The following GIGYF1 variants were observed in gnomAD, a reference collection of about 807,000 sequenced individuals.
GIGYF1 encodes the protein GRB10 interacting GYF protein 1.
Under a neutral mutation model 147.1 loss-of-function variants are expected in GIGYF1, and 84 were observed. The ratio of observed to expected loss-of-function variants is 0.57; its 90% confidence interval spans 0.48 to 0.68. The LOEUF (loss-of-function observed/expected upper bound fraction) is 0.68, where lower values mean the gene tolerates loss of function less well. Among genes scored for constraint, GIGYF1 ranks in the 30% least tolerant of loss-of-function variants. The probability of loss-of-function intolerance (pLI) is 0.00; values close to 1 mark genes in which losing one functional copy is unlikely to be tolerated. For missense variants in GIGYF1, 1,485 were observed against 1,393.7 expected (o/e 1.07, Z -1.04); for synonymous variants, 752 against 589.5 (o/e 1.28, Z -3.99).
chr7:100,680,442 T>C lies in GIGYF1; in HGVS notation c.*1277A>G, dbSNP rs1042017006. The C allele has an allele frequency of 1.3e-5, 2 of 152,474 alleles. No homozygotes were observed. The highest frequency in any genetic ancestry group is 4.8e-5 in the African/African-American group (2 of 41,430). 9.4% of individuals were successfully genotyped at this position (152,474 alleles called of 1,614,324 possible). A position where few individuals can be genotyped will look rare whatever the true frequency, so the allele number is the denominator to read the frequency against. Reference sequence around the variant, plus strand: ...CAAGTAGGGGACCGGGAATAAGAAGTGGGTGAGCAATAGAAGGGGCAGCCT... The same window carrying C: ...CAAGTAGGGGACCGGGAATAAGAAGCGGGTGAGCAATAGAAGGGGCAGCCT... On this transcript the variant is annotated 3_prime_UTR_variant, in exon 27 of 27. Transcript: ENST00000678049.
At position 100,685,632 on chromosome 7, in the gene GIGYF1, G is replaced by C. The variant is rs993002994; in HGVS notation, c.1055-151C>G. 184 of 836,554 alleles carry C rather than the reference G, an allele frequency of 2.2e-4. 1 individual carries two copies. The highest frequency in any genetic ancestry group is 1.5e-4 in the Non-Finnish European group (84 of 545,758). The allele number at this position is 836,554 out of a possible 1,614,324, so 51.8% of individuals were successfully genotyped here. The stretch of plus-strand genomic sequence containing the variant: ...TGGGTCAACTCAACTAATGGCAGAG[G>C]GAATGCGGTGCCCTGACCCTCGCCT... On this transcript the variant is annotated intron_variant, in intron 12 of 26. Coordinates refer to ENST00000678049, the MANE Select transcript of GIGYF1 (RefSeq NM_001375765.1).
chr7:100,683,653 G>A (rs1469411714), intron 19 of GIGYF1, 21 bp from the exon 20 acceptor site: 1 of 1,610,812 alleles, frequency 6.2e-7, no homozygotes, highest in Non-Finnish European at 8.5e-7. Flanking sequence ...CAGGGGGGCA[G>A]AGGCGGCTGC....
At position 100,682,316 on chromosome 7, in the gene GIGYF1, G is replaced by A. The variant is rs200383064; in HGVS notation, c.2761+6C>T. On this transcript the variant is annotated splice_donor_region_variant and intron_variant, in intron 24 of 26. Transcript: ENST00000678049. ...CCCGCCCACCTCCTGGGAGCCGCTC[G>A]CCCACCGTCCAGGCTGCCCGTGGCG... is the stretch of plus-strand genomic sequence containing the variant. 772 of 1,610,928 alleles carry A rather than the reference G, an allele frequency of 4.8e-4. 4 individuals carry two copies. In the African/African-American group the frequency reaches 9.4e-3, roughly 20 times the overall value.
rs533582694 is a variant in GIGYF1 at position 100,680,078 on chromosome 7, C to T, written c.*1641G>A. 6.7e-6 allele frequency: 1 copy of T among 148,438 alleles called. No individual in the cohort carries two copies. Among genetic ancestry groups the T allele is most frequent in the Non-Finnish European group, 1.5e-5 (1 of 67,622 alleles). The allele number at this position is 148,438 out of a possible 1,614,324, so 9.2% of individuals were successfully genotyped here. ...TATTGTCTTTTCAGGGACGCTAACA[C>T]TGTGGGAACCAGGGAGAGGCAGGTG... On this transcript the variant is annotated 3_prime_UTR_variant, in exon 27 of 27. Coordinates refer to ENST00000678049, the MANE Select transcript of GIGYF1 (RefSeq NM_001375765.1).
chr7:100,686,576 A>G, intron 10 of GIGYF1, 73 bp downstream of exon 10: 1 of 1,536,562 alleles, frequency 6.5e-7, no homozygotes, highest in Non-Finnish European at 8.7e-7. Context: ...CCCCGTGGCT[A>G]CAGGAGCCCA....
rs1207299937 is a variant in GIGYF1 at position 100,680,354 on chromosome 7, G to A, written c.*1365C>T. 1.3e-5 allele frequency: 2 copies of A among 152,550 alleles called. No individual in the cohort carries two copies. Among genetic ancestry groups the A allele is most frequent in the Non-Finnish European group, 2.9e-5 (2 of 68,040 alleles). The allele number at this position is 152,550 out of a possible 1,614,324, so 9.4% of individuals were successfully genotyped here. The stretch of plus-strand genomic sequence containing the variant: ...CTCTGAGCAATGAGGTCAATGGGAG[G>A]AGCTGGATGAGAAACCCAAAAGACA... On this transcript the variant is annotated 3_prime_UTR_variant, in exon 27 of 27. Transcript: ENST00000678049.
chr7:100,683,976 C>CGG, intron 18 of GIGYF1, 44 bp downstream of exon 18: 4 of 970,110 alleles, frequency 4.1e-6, no homozygotes, highest in Non-Finnish European at 6.1e-6. Context: ...CTGCCCCCAT[C>CGG]CCCCCCCCAC....
At chr7:100,686,860 C>A in intron 9 of GIGYF1, 41 bp from the exon 10 acceptor site, 1 of 1,601,936 alleles carries the variant, frequency 6.2e-7, no homozygotes, top group South Asian at 1.1e-5. Flanking sequence ...AGAAAGGCAG[C>A]GTGGTGCCTG....
chr7:100,682,286 C>G (rs1342065729), intron 24 of GIGYF1, 36 bp downstream of exon 24: 1 of 1,608,426 alleles, frequency 6.2e-7, no homozygotes, highest in Admixed American at 1.7e-5. Flanking sequence ...TCTGGAGACC[C>G]AGGTCCCGCC....
rs371267595 is a variant in GIGYF1, at chr7:100,682,061, G to T, written c.2925+11C>A. 3.1e-6 allele frequency: 5 copies of T among 1,611,992 alleles called. No homozygotes were observed. The highest frequency in any genetic ancestry group is 1.6e-4 in the Middle Eastern group (1 of 6,080). ...CAAGCCCACCCCAGCTGCTGGTGCC[G>T]GCTGCCTCACCTGCTGCTGCTGCCG... is the stretch of plus-strand genomic sequence containing the variant. On this transcript the variant is annotated intron_variant, in intron 25 of 26. Transcript: ENST00000678049.
Position 100,685,490 on chromosome 7 carries a change from G to A in GIGYF1, c.1055-9C>T, listed in dbSNP as rs761184499. ...GGTCAGCTCTTTCCCACCTAGAAGA[G>A]GGAGATGGCCAGAGTTCAGAACCAA... is the stretch of plus-strand genomic sequence containing the variant. On this transcript the variant is annotated splice_polypyrimidine_tract_variant and intron_variant, in intron 12 of 26. Coordinates refer to ENST00000678049, the MANE Select transcript of GIGYF1 (RefSeq NM_001375765.1). The A allele has an allele frequency of 1.3e-6, 2 of 1,597,548 alleles. No homozygotes were observed. The highest frequency in any genetic ancestry group is 1.7e-6 in the Non-Finnish European group (2 of 1,176,076).
At position 100,683,198 on chromosome 7, in the gene GIGYF1, T is replaced by A. The variant is rs531083829; in HGVS notation, c.2226A>T (p.Leu742=). 4.3e-6 allele frequency: 7 copies of A among 1,609,318 alleles called. No homozygotes were observed. In the East Asian group the frequency reaches 8.9e-5, roughly 20 times the overall value. ...VRQQELLLKL[L]QQQQAVPVPP... ...GCACAGGGACCGCCTGCTGCTGCTGTAGCAACTTCAGCAATAGCTCCTGCT... is the reference window on the plus strand; with the variant it reads ...GCACAGGGACCGCCTGCTGCTGCTGAAGCAACTTCAGCAATAGCTCCTGCT... The change falls in exon 22 of 27, where the codon CTA becomes CTT. Residue 742 remains leucine (L), a synonymous_variant. Transcript: ENST00000678049.
chr7:100,685,046 C>T lies in GIGYF1; in HGVS notation c.1290+3G>A. On this transcript the variant is annotated splice_donor_region_variant and intron_variant, in intron 14 of 26. Coordinates refer to ENST00000678049, the MANE Select transcript of GIGYF1 (RefSeq NM_001375765.1). ...TCCCTCCCGCTTTCTCAGGCCCCCA[C>T]ACCTGCTGCAGGTGCTTCAAGCCTT... The T allele has an allele frequency of 6.4e-7, 1 of 1,564,886 alleles. No homozygotes were observed. Among genetic ancestry groups the T allele is most frequent in the Non-Finnish European group, 8.7e-7 (1 of 1,153,508 alleles).
At chr7:100,693,079 C>T (rs1197751404) in intron 1 of GIGYF1, among the ~76,000 whole-genome samples, 2 of 151,906 alleles carry the variant, frequency 1.3e-5, no homozygotes, top group Non-Finnish European at 2.9e-5. Context: ...GGAAAGCTGA[C>T]GATCTTCCAG....
chr7:100,688,376 T>C (rs1317873506), intron 3 of GIGYF1, 69 bp from the exon 4 acceptor site: 46 of 775,840 alleles, frequency 5.9e-5, no homozygotes, highest in Non-Finnish European at 2.8e-5. Context: ...GAGGACACCA[T>C]GGGGGACATC....
Position 100,681,846 on chromosome 7 carries a change from T to C in GIGYF1, c.3055+18A>G. On this transcript the variant is annotated intron_variant, in intron 26 of 26. Coordinates refer to ENST00000678049, the MANE Select transcript of GIGYF1 (RefSeq NM_001375765.1). ...CCCTGTGCCAAGGAAGTCCCGCTCC[T>C]GCCCCAGCCCAGCTCACCCAGGATG... 1 of 1,611,792 alleles carries C rather than the reference T, an allele frequency of 6.2e-7. No individual in the cohort carries two copies. Among genetic ancestry groups the C allele is most frequent in the Non-Finnish European group, 8.5e-7 (1 of 1,179,022 alleles).
chr7:100,679,626 G>C lies in GIGYF1; in HGVS notation c.*2093C>G, dbSNP rs1804534856. On this transcript the variant is annotated 3_prime_UTR_variant, in exon 27 of 27. Coordinates refer to ENST00000678049, the MANE Select transcript of GIGYF1 (RefSeq NM_001375765.1). ...AGACTGTGGGTACAAGGCAGACAGG[G>C]AACACGGTGACCCCTGCACCCACCC... 1 of 152,624 alleles carries C rather than the reference G, an allele frequency of 6.6e-6. No homozygotes were observed. The highest frequency in any genetic ancestry group is 1.5e-5 in the Non-Finnish European group (1 of 68,104). The allele number at this position is 152,624 out of a possible 1,614,324, so 9.5% of individuals were successfully genotyped here.
rs1444436882 is a variant in GIGYF1 at position 100,682,234 on chromosome 7, C to T, written c.2763G>A (p.Val921=). ...HTLSATGSLD[V]PMAVAILKEV... ...CCTTGAGGATCGCTACAGCCATGGG[C>T]ACTGCAGGATGAGCGAAGGCTGTCA... Residue 921 remains valine (V), a splice_region_variant and synonymous_variant, in exon 25 of 27, where the codon GTG becomes GTA. Transcript: ENST00000678049. The T allele has an allele frequency of 5.6e-6, 9 of 1,611,478 alleles. No homozygotes were observed. The highest frequency in any genetic ancestry group is 1.3e-5 in the African/African-American group (1 of 74,926).
rs370609435 is a variant in GIGYF1, at chr7:100,685,082, C to T, written c.1257G>A (p.Leu419=). 21 of 1,577,494 alleles carry T rather than the reference C, an allele frequency of 1.3e-5. No individual in the cohort carries two copies. The highest frequency in any genetic ancestry group is 1.8e-5 in the Non-Finnish European group (21 of 1,160,646). Residue 419 remains leucine, a synonymous_variant, in exon 14 of 27, where the codon CTG becomes CTA. Coordinates refer to ENST00000678049, the MANE Select transcript of GIGYF1 (RefSeq NM_001375765.1). ...VGSSAGPPGD[L]EDDEGLKHLQ... is the part of the protein sequence containing the mutation. ...GGTGCTTCAAGCCTTCATCATCCTC[C>T]AGATCTCCGGGTGGGCCAGCAGAGG...
Sources: gnomAD v4.1 joint callset for allele counts (sites outside exome capture counted in the v4.1 genomes callset) on GRCh38, gnomAD v4.1.1 for gene constraint, MANE v1.5 for transcripts, NCBI Gene and HGNC (gene_info 2026-07-23, HGNC 2026-07-21) for gene names.